The following SLC9A8 variants were observed in gnomAD, a reference collection of about 807,000 sequenced individuals.
SLC9A8 encodes solute carrier family 9 member A8.
SLC9A8 carries 48 observed loss-of-function variants against 66.6 expected under a neutral mutation model. The observed-to-expected ratio is 0.72, with a 90% CI of 0.57 to 0.92. The LOEUF (loss-of-function observed/expected upper bound fraction) is 0.92, where lower values mean the gene tolerates loss of function less well. Among genes scored for constraint, SLC9A8 ranks in the 40% least tolerant of loss-of-function variants. SLC9A8 has a pLI of 0.00. For synonymous variants in SLC9A8, 274 were observed against 282.6 expected, an observed-to-expected ratio of 0.97 and a Z score of 0.31; for missense variants, 599 against 747.3, an observed-to-expected ratio of 0.80 and a Z score of 2.31.
chr20:49,830,040 A>G, intron 3 of SLC9A8: 1 of 671,098 alleles, frequency 1.5e-6, no homozygotes, highest in Non-Finnish European at 2.9e-6. Context: ...TTTAAATGGC[A>G]GCCGACCAGA....
At chr20:49,814,372 AAAT>A (rs1425192566) in intron 1 of SLC9A8, among the ~76,000 whole-genome samples, 1 of 152,226 alleles carries the variant, frequency 6.6e-6, no homozygotes, top group Non-Finnish European at 1.5e-5. Flanking sequence ...AGTGCTCAGA[AAAT>A]AATAACTTTT....
Position 49,855,428 on chromosome 20 carries a change from T to C in SLC9A8, c.570-10T>C. 3.1e-6 allele frequency: 5 copies of C among 1,613,878 alleles called. No homozygotes were observed. The highest frequency in any genetic ancestry group is 4.2e-6 in the Non-Finnish European group (5 of 1,179,776). On this transcript the variant is annotated splice_polypyrimidine_tract_variant and intron_variant, in intron 7 of 15. Transcript: ENST00000361573. ...ATTACAGAATCTCCCCTTCCCTCTG[T>C]CTCTTACAGTTTTGCGTTTGGCTCC...
chr20:49,843,635 C>T (rs1251565042), intron 4 of SLC9A8, among the ~76,000 whole-genome samples: 2 of 152,082 alleles, frequency 1.3e-5, no homozygotes, highest in East Asian at 1.9e-4. Flanking sequence ...CAAAATTCTA[C>T]CAACAACTAG....
intron 2 of SLC9A8, 179 bp downstream of exon 2, chr20:49,815,368 T>G (rs1239764510): frequency 9.2e-6 from 4 of 436,476 alleles, no homozygotes; most frequent in Non-Finnish European, 1.6e-5. Flanking sequence ...CTCTTCTTTA[T>G]AAAATCATGG....
At position 49,815,768 on chromosome 20, in the gene SLC9A8, T is replaced by C. The variant is rs189744358; in HGVS notation, c.208+579T>C. On this transcript the variant is annotated intron_variant, in intron 2 of 15. Coordinates refer to ENST00000361573, the MANE Select transcript of SLC9A8 (RefSeq NM_015266.3). ...GAAAAAAAAAAAAGAATCTTGAACA[T>C]CTAGTTTAATGGATTTCAAGTTCTA... Among the ~76,000 whole-genome samples the C allele has an allele frequency of 2.0e-3, 309 of 151,246 alleles. 1 individual carries two copies. Among genetic ancestry groups the C allele is most frequent in the African/African-American group, 7.2e-3 (295 of 41,192 alleles).
intron 13 of SLC9A8, among the ~76,000 whole-genome samples, chr20:49,882,962 C>T (rs1200066584): frequency 6.6e-6 from 1 of 152,008 alleles, no homozygotes; most frequent in Non-Finnish European, 1.5e-5. Flanking sequence ...TCCCCGCTTT[C>T]CTGTCTGGGG....
intron 3 of SLC9A8, among the ~76,000 whole-genome samples, chr20:49,827,161 C>T (rs571095451): frequency 3.1e-4 from 47 of 151,570 alleles, no homozygotes; most frequent in African/African-American, 1.0e-3. Context: ...AGGCTGGTCT[C>T]GAACTCCTGA....
intron 2 of SLC9A8, among the ~76,000 whole-genome samples, chr20:49,815,770 T>C (rs2086528229): frequency 6.6e-6 from 1 of 151,646 alleles, no homozygotes; most frequent in Non-Finnish European, 1.5e-5. Context: ...CTTGAACATC[T>C]AGTTTAATGG....
chr20:49,863,051 G>A lies in SLC9A8; in HGVS notation c.836G>A (p.Gly279Asp). 1 of 1,612,760 alleles carries A rather than the reference G, an allele frequency of 6.2e-7. No homozygotes were observed. ...TCTGCAGCGCTCGGCACTCTCACTG[G>A]CTTAATTTCTGCATTAATATCCTTT... ...FGSAALGTLTGLISALVLKHI... is the reference protein window; with the variant it reads ...FGSAALGTLTDLISALVLKHI... The change falls in exon 9 of 16, where the codon GGC becomes GAC. Residue 279 changes from glycine (G) to aspartate (D), a missense_variant. Gly to Asp is a moderately conservative substitution (Grantham distance 94, BLOSUM62 -1). Transcript: ENST00000361573.
At chr20:49,834,163 CTCTCTCTCTCTCTCTCTCTCTCTATATA>C (rs2087333297) in intron 3 of SLC9A8, among the ~76,000 whole-genome samples, 1 of 55,068 alleles carries the variant, frequency 1.8e-5, no homozygotes, top group African/African-American at 7.5e-5. Flanking sequence ...CTCTCTCTCT[CTCTCTCTCTCTCTCTCTCTCTCTATATA>C]TATATATATA....
chr20:49,833,812 T>C (rs1010079868), intron 3 of SLC9A8, among the ~76,000 whole-genome samples: 1 of 152,214 alleles, frequency 6.6e-6, no homozygotes, highest in Admixed American at 6.5e-5. Context: ...CATTAATTGC[T>C]CCTGATCCTC....
At chr20:49,823,821 T>C (rs931276181) in intron 3 of SLC9A8, among the ~76,000 whole-genome samples, 1 of 152,214 alleles carries the variant, frequency 6.6e-6, no homozygotes, top group Non-Finnish European at 1.5e-5. Context: ...AAAGTCTTAC[T>C]AAGGTCAGCC....
intron 5 of SLC9A8, among the ~76,000 whole-genome samples, chr20:49,847,714 A>C (rs998135012): frequency 6.6e-6 from 1 of 152,134 alleles, no homozygotes; most frequent in African/African-American, 2.4e-5. Flanking sequence ...TTGAATTGCA[A>C]ATATTACACA....
chr20:49,862,385 C>A (rs1020027695), intron 8 of SLC9A8, among the ~76,000 whole-genome samples: 14 of 152,132 alleles, frequency 9.2e-5, no homozygotes, highest in Non-Finnish European at 2.1e-4. Flanking sequence ...CCTCAGCCTC[C>A]CGAGTAGCTG....
intron 3 of SLC9A8, among the ~76,000 whole-genome samples, chr20:49,828,452 G>A (rs2087012967): frequency 6.7e-6 from 1 of 150,370 alleles, no homozygotes; most frequent in Non-Finnish European, 1.5e-5. Flanking sequence ...TTGAACTCCC[G>A]ACCTCAGGTG....
intron 14 of SLC9A8, 155 bp downstream of exon 14, chr20:49,884,221 C>CACACACG (rs1555848156): frequency 2.8e-4 from 82 of 289,156 alleles, no homozygotes; most frequent in East Asian, 2.1e-3. Flanking sequence ...CACACACACA[C>CACACACG]ACACACACAC....
Position 49,889,993 on chromosome 20 carries a change from C to T in SLC9A8, c.*2057C>T, listed in dbSNP as rs2090006041. 6.6e-6 allele frequency: 1 copy of T among 152,310 alleles called. No individual in the cohort carries two copies. The highest frequency in any genetic ancestry group is 1.5e-5 in the Non-Finnish European group (1 of 68,074). The allele number at this position is 152,310 out of a possible 1,614,324, so 9.4% of individuals were successfully genotyped here. A position where few individuals can be genotyped will look rare whatever the true frequency, so the allele number is the denominator to read the frequency against. ...GTGTGATAGCCCCAGCCAGGTCACACCTGGCCTCACACTTTGAGCTGAGAC... is the reference window on the plus strand; with the variant it reads ...GTGTGATAGCCCCAGCCAGGTCACATCTGGCCTCACACTTTGAGCTGAGAC... On this transcript the variant is annotated 3_prime_UTR_variant, in exon 16 of 16. Coordinates refer to ENST00000361573, the MANE Select transcript of SLC9A8 (RefSeq NM_015266.3).
chr20:49,831,500 C>T (rs1045345143), intron 3 of SLC9A8, among the ~76,000 whole-genome samples: 6 of 152,028 alleles, frequency 3.9e-5, no homozygotes, highest in African/African-American at 1.4e-4. Flanking sequence ...TTTCTTCTTC[C>T]AAGCTTGTCT....
At chr20:49,831,058 C>G (rs1030843035) in intron 3 of SLC9A8, 5 of 711,130 alleles carry the variant, frequency 7.0e-6, no homozygotes, top group Non-Finnish European at 1.3e-5. Context: ...ACAATATGTC[C>G]GCTGTGTCCT....
Sources: allele counts gnomAD v4.1 joint callset (sites outside exome capture counted in the v4.1 genomes callset), GRCh38; gene constraint gnomAD v4.1.1; transcripts MANE v1.5; gene names NCBI Gene and HGNC (gene_info 2026-07-23, HGNC 2026-07-21).